Variants in ADGRL3 observed in about 807,000 individuals in gnomAD.
ADGRL3 encodes adhesion G protein-coupled receptor L3.
A neutral mutation model predicts 153.5 loss-of-function variants in ADGRL3; 62 were observed. The observed-to-expected ratio is 0.40, with a 90% CI of 0.33 to 0.50. ADGRL3 has a LOEUF of 0.50. ADGRL3 is among the 20% of genes least tolerant of loss of function. The pLI, the probability that ADGRL3 is intolerant of heterozygous loss-of-function variation, is 0.47. For synonymous variants in ADGRL3, 710 were observed against 672.5 expected (o/e 1.06, Z -0.86); for missense variants, 1,641 against 1,859.4 (o/e 0.88, Z 2.16).
intron 1 of ADGRL3, among the ~76,000 whole-genome samples, chr4:61,273,348 C>T (rs2093299015): frequency 6.6e-6 from 1 of 152,146 alleles, no homozygotes; most frequent in Non-Finnish European, 1.5e-5. Flanking sequence ...AGGCAAGTCA[C>T]TGCTTAGATG....
At position 61,749,165 on chromosome 4, in the gene ADGRL3, A is replaced by G. The variant is rs868444430; in HGVS notation, c.1399+15611A>G. Reference sequence around the variant, plus strand: ...CAAATCAAAACCGCAATGAGATACCATCTCACACCAGTTAGAATGGCAATC... The same window carrying G: ...CAAATCAAAACCGCAATGAGATACCGTCTCACACCAGTTAGAATGGCAATC... On this transcript the variant is annotated intron_variant, in intron 8 of 26. Coordinates refer to ENST00000683033, the MANE Select transcript of ADGRL3 (RefSeq NM_001387552.1). Among the ~76,000 whole-genome samples, 49 of 152,212 alleles carry G rather than the reference A, an allele frequency of 3.2e-4. 1 individual carries two copies. The highest frequency in any genetic ancestry group is 1.2e-3 in the African/African-American group (48 of 41,458).
intron 2 of ADGRL3, among the ~76,000 whole-genome samples, chr4:61,396,762 A>C (rs1242476049): frequency 6.6e-6 from 1 of 151,840 alleles, no homozygotes; most frequent in Non-Finnish European, 1.5e-5. Flanking sequence ...TTTTTTTTCC[A>C]GCAAATGGAT....
chr4:61,551,213 C>G (rs1468971322), intron 4 of ADGRL3, among the ~76,000 whole-genome samples: 5 of 152,044 alleles, frequency 3.3e-5, no homozygotes, highest in Non-Finnish European at 7.4e-5. Flanking sequence ...CGCAATTATA[C>G]AGTAACTCCT....
At chr4:61,834,666 C>T (rs1389655901) in intron 9 of ADGRL3, among the ~76,000 whole-genome samples, 1 of 152,026 alleles carries the variant, frequency 6.6e-6, no homozygotes, top group Non-Finnish European at 1.5e-5. Flanking sequence ...GGGAGTTGAC[C>T]CCAAGGTGAG....
At chr4:61,906,863 C>A (rs1319593979) in intron 11 of ADGRL3, among the ~76,000 whole-genome samples, 1 of 151,980 alleles carries the variant, frequency 6.6e-6, no homozygotes, top group African/African-American at 2.4e-5. Flanking sequence ...CCAAGTAGAT[C>A]ATGATAATCG....
chr4:61,648,294 A>G (rs1272029938), intron 5 of ADGRL3, among the ~76,000 whole-genome samples: 2 of 151,288 alleles, frequency 1.3e-5, no homozygotes, highest in Admixed American at 6.6e-5. Flanking sequence ...GAAATCTTTT[A>G]TACTTAATCC....
chr4:61,857,022 TCCC>T (rs2149238512), intron 9 of ADGRL3, among the ~76,000 whole-genome samples: 3 of 145,722 alleles, frequency 2.1e-5, no homozygotes, highest in South Asian at 2.2e-4. Flanking sequence ...CTTTCCTTCC[TCCC>T]TTCCTTCCTT....
intron 1 of ADGRL3, among the ~76,000 whole-genome samples, chr4:61,374,954 A>T (rs2096586303): frequency 6.6e-6 from 1 of 152,082 alleles, no homozygotes; most frequent in African/African-American, 2.4e-5. Context: ...AATCCAAACT[A>T]TTTTAAACCT....
chr4:61,603,199 C>G (rs2099018750), intron 5 of ADGRL3, among the ~76,000 whole-genome samples: 1 of 152,076 alleles, frequency 6.6e-6, no homozygotes, highest in Non-Finnish European at 1.5e-5. Context: ...TAGTAATTAA[C>G]AGGAATAGAA....
Position 61,394,995 on chromosome 4 carries a change from A to T in ADGRL3, c.-174+11806A>T, listed in dbSNP as rs143189058. Among the ~76,000 whole-genome samples, 418 of 152,180 alleles carry T rather than the reference A, an allele frequency of 2.7e-3. 2 individuals are homozygous for T. The highest frequency in any genetic ancestry group is 9.6e-3 in the African/African-American group (397 of 41,570). The stretch of plus-strand genomic sequence containing the variant: ...AATGAAGAAACTAAATTTTACACAT[A>T]CTTTTGTTAATTGTGTTCTCAGCCA... On this transcript the variant is annotated intron_variant, in intron 2 of 26. Coordinates refer to ENST00000683033, the MANE Select transcript of ADGRL3 (RefSeq NM_001387552.1).
At chr4:61,433,628 G>A (rs60180342) in intron 2 of ADGRL3, among the ~76,000 whole-genome samples, 3 of 151,776 alleles carry the variant, frequency 2.0e-5, no homozygotes, top group South Asian at 2.1e-4. Flanking sequence ...TTGGCTGTTC[G>A]CCCTTTGGAT....
At chr4:62,031,406 T>C in intron 22 of ADGRL3, 36 bp from the exon 23 acceptor site, 1 of 1,517,390 alleles carries the variant, frequency 6.6e-7, no homozygotes, top group Non-Finnish European at 8.9e-7. Context: ...AAAGATCAAT[T>C]ATTTAATAAC....
chr4:61,371,466 A>G (rs1188422618), intron 1 of ADGRL3, among the ~76,000 whole-genome samples: 1 of 151,736 alleles, frequency 6.6e-6, no homozygotes, highest in Non-Finnish European at 1.5e-5. Flanking sequence ...TCTGTAAAGT[A>G]TTTTATTTCT....
Position 61,612,726 on chromosome 4 carries a change from T to C in ADGRL3, c.473+25286T>C, listed in dbSNP as rs149248571. 3.6e-3 allele frequency among the ~76,000 whole-genome samples: 551 copies of C among 152,304 alleles called. 6 individuals carry two copies. The highest frequency in any genetic ancestry group is 0.012 in the African/African-American group (493 of 41,582). ...GGATTTTGGCTTTTGCAACCTAGTA[T>C]GCAGAATAAAGGGCCATTTATAGGT... On this transcript the variant is annotated intron_variant, in intron 5 of 26. Transcript: ENST00000683033.
chr4:61,824,632 G>C (rs1194890195), intron 9 of ADGRL3, among the ~76,000 whole-genome samples: 4 of 152,090 alleles, frequency 2.6e-5, no homozygotes, highest in African/African-American at 4.8e-5. Context: ...GAAGTAAGAG[G>C]TCTGCCTTGA....
At chr4:61,291,567 C>CATATATATATATATACATAT (rs1560434288) in intron 1 of ADGRL3, among the ~76,000 whole-genome samples, 1 of 134,370 alleles carries the variant, frequency 7.4e-6, no homozygotes, top group Non-Finnish European at 1.5e-5. Context: ...TATATATATA[C>CATATATATATATATACATAT]ATATATATAT....
At chr4:61,939,747 C>T (rs1051745097) in intron 15 of ADGRL3, among the ~76,000 whole-genome samples, 7 of 152,084 alleles carry the variant, frequency 4.6e-5, no homozygotes, top group African/African-American at 1.7e-4. Flanking sequence ...GGATTACAGG[C>T]ATGAGCCACC....
intron 9 of ADGRL3, among the ~76,000 whole-genome samples, chr4:61,865,711 T>C (rs1232564894): frequency 6.6e-6 from 1 of 152,190 alleles, no homozygotes; most frequent in Non-Finnish European, 1.5e-5. Flanking sequence ...CTTCTCAGTT[T>C]CTCCACCTGA....
At chr4:61,400,687 T>C (rs2096919372) in intron 2 of ADGRL3, among the ~76,000 whole-genome samples, 1 of 151,750 alleles carries the variant, frequency 6.6e-6, no homozygotes, top group Non-Finnish European at 1.5e-5. Context: ...AGTTAGGACA[T>C]TCAGAATTAT....
Sources: gnomAD v4.1 joint callset for allele counts (sites outside exome capture counted in the v4.1 genomes callset) on GRCh38, gnomAD v4.1.1 for gene constraint, MANE v1.5 for transcripts, NCBI Gene and HGNC (gene_info 2026-07-23, HGNC 2026-07-21) for gene names.